ENOX1: variants seen among roughly 807,000 people sequenced by gnomAD.
ENOX1 encodes the protein candidate growth-related and time keeping constitutive hydroquinone (NADH) oxidase.
In ENOX1, 42 loss-of-function variants were observed where a neutral mutation model predicts 82.5. That is an observed-to-expected ratio of 0.51 (90% confidence interval 0.40 to 0.66). The LOEUF (loss-of-function observed/expected upper bound fraction) is 0.66. ENOX1 is among the 30% of genes least tolerant of loss of function. The pLI, the probability that ENOX1 is intolerant of heterozygous loss-of-function variation, is 0.00. For synonymous variants in ENOX1, 271 were observed against 282.2 expected (o/e 0.96, Z 0.40); for missense variants, 608 against 811.6 (o/e 0.75, Z 3.05).
rs559734695 is a variant in ENOX1, at chr13:43,352,018, T to C, written c.823+3901A>G. Among the ~76,000 whole-genome samples the C allele has an allele frequency of 1.1e-4, 16 of 152,346 alleles. No homozygotes were observed. The East Asian group carries it at 3.1e-3, about 29-fold the overall frequency. On this transcript the variant is annotated intron_variant, in intron 8 of 16. Transcript: ENST00000690772. ...AGCCTGGCTTTTAGCTAATGGGACA[T>C]CCACTTGGCTCATAACATTATTGAT...
chr13:43,273,480 T>C (rs1486785671), intron 12 of ENOX1, among the ~76,000 whole-genome samples: 2 of 152,216 alleles, frequency 1.3e-5, no homozygotes, highest in Admixed American at 6.5e-5. Context: ...CCATGACTTA[T>C]GACAAGTTTA....
intron 2 of ENOX1, among the ~76,000 whole-genome samples, chr13:43,510,014 G>A (rs2077308252): frequency 6.6e-6 from 1 of 151,994 alleles, no homozygotes; most frequent in Non-Finnish European, 1.5e-5. Context: ...CACATCAGAC[G>A]TCTGTTGGAA....
rs148233093 is a variant in ENOX1 at position 43,261,555 on chromosome 13, C to T, written c.1611+3843G>A. ...TTATTTCACATCTACATTATACAGC[C>T]GTTAAAAATCATGTCTTTGACTTGG... On this transcript the variant is annotated intron_variant, in intron 14 of 16. Transcript: ENST00000690772. 5.9e-5 allele frequency among the ~76,000 whole-genome samples: 9 copies of T among 152,148 alleles called. No homozygotes were observed. The East Asian group carries it at 1.7e-3, about 29-fold the overall frequency.
chr13:43,653,143 T>C (rs2084272656), intron 2 of ENOX1, among the ~76,000 whole-genome samples: 1 of 152,230 alleles, frequency 6.6e-6, no homozygotes. Flanking sequence ...GCTGCTCTGC[T>C]ACTGGAGGTG....
At chr13:43,694,757 C>T (rs1330510198) in intron 1 of ENOX1, among the ~76,000 whole-genome samples, 1 of 152,176 alleles carries the variant, frequency 6.6e-6, no homozygotes, top group Admixed American at 6.5e-5. Flanking sequence ...TCTCCTATTC[C>T]AAGACAAGAC....
intron 2 of ENOX1, chr13:43,544,086 T>C (rs1404754058): frequency 6.6e-6 from 1 of 151,846 alleles, no homozygotes; most frequent in Non-Finnish European, 1.5e-5. Flanking sequence ...CTGGCTAATG[T>C]TGGCCAGGCT....
chr13:43,667,318 C>T, intron 2 of ENOX1, 161 bp downstream of exon 2: 1 of 280,380 alleles, frequency 3.6e-6, no homozygotes, highest in Non-Finnish European at 5.4e-6. Flanking sequence ...TCCCCAAATG[C>T]ATGTTAGTTC....
intron 11 of ENOX1, among the ~76,000 whole-genome samples, chr13:43,307,022 C>T (rs936323332): frequency 3.9e-5 from 6 of 152,074 alleles, no homozygotes; most frequent in African/African-American, 1.4e-4. Context: ...CAAATACTTG[C>T]AATAATGGGT....
chr13:43,650,478 G>A (rs1014954164), intron 2 of ENOX1, among the ~76,000 whole-genome samples: 2 of 152,072 alleles, frequency 1.3e-5, no homozygotes, highest in Non-Finnish European at 2.9e-5. Context: ...TGCCAGTAGG[G>A]GGAATTGAGG....
At chr13:43,666,054 T>A (rs1201739755) in intron 2 of ENOX1, among the ~76,000 whole-genome samples, 3 of 151,860 alleles carry the variant, frequency 2.0e-5, no homozygotes, top group Admixed American at 2.0e-4. Context: ...TATACTCTAT[T>A]AATTGTGCAA....
intron 8 of ENOX1, among the ~76,000 whole-genome samples, chr13:43,354,144 T>A (rs1250259502): frequency 6.6e-6 from 1 of 152,120 alleles, no homozygotes; most frequent in East Asian, 1.9e-4. Flanking sequence ...TAAAGAAAAA[T>A]TATTGTTCCA....
chr13:43,658,330 T>G (rs560497792), intron 2 of ENOX1, among the ~76,000 whole-genome samples: 16 of 152,334 alleles, frequency 1.1e-4, no homozygotes, highest in African/African-American at 3.6e-4. Flanking sequence ...TTTCTCTTAC[T>G]ACTTCTTAGT....
At chr13:43,773,750 CTGTT>C (rs1399011070) in intron 1 of ENOX1, among the ~76,000 whole-genome samples, 1 of 152,180 alleles carries the variant, frequency 6.6e-6, no homozygotes, top group African/African-American at 2.4e-5. Context: ...AATTACTGTT[CTGTT>C]TATCTGTTTG....
intron 2 of ENOX1, among the ~76,000 whole-genome samples, chr13:43,525,803 T>C (rs1390868599): frequency 6.6e-6 from 1 of 152,186 alleles, no homozygotes. Context: ...TTTCCAGTCC[T>C]TTGCCCATTT....
chr13:43,393,185 TAC>T, intron 5 of ENOX1, among the ~76,000 whole-genome samples: 2 of 152,246 alleles, frequency 1.3e-5, no homozygotes, highest in African/African-American at 4.8e-5. Context: ...AACACAATAG[TAC>T]TTTGCTCCTT....
intron 2 of ENOX1, among the ~76,000 whole-genome samples, chr13:43,558,465 C>A (rs2153703577): frequency 6.6e-6 from 1 of 152,294 alleles, no homozygotes; most frequent in East Asian, 1.9e-4. Context: ...AAGATTCCAG[C>A]AGAACACTCT....
intron 11 of ENOX1, among the ~76,000 whole-genome samples, chr13:43,313,147 C>T (rs551125983): frequency 5.9e-5 from 9 of 152,240 alleles, no homozygotes; most frequent in Admixed American, 3.9e-4. Flanking sequence ...TCTAGGCTTT[C>T]CACTTACGAT....
intron 2 of ENOX1, among the ~76,000 whole-genome samples, chr13:43,497,005 T>C (rs1237996429): frequency 1.3e-5 from 2 of 152,160 alleles, no homozygotes; most frequent in South Asian, 2.1e-4. Context: ...TACACATATT[T>C]TGAAATAAAA....
chr13:43,436,743 T>G (rs2056055034), intron 3 of ENOX1, among the ~76,000 whole-genome samples: 2 of 152,210 alleles, frequency 1.3e-5, no homozygotes, highest in Non-Finnish European at 2.9e-5. Flanking sequence ...ACATCATTAT[T>G]TACAGAAAAC....
Sources: allele counts gnomAD v4.1 joint callset (sites outside exome capture counted in the v4.1 genomes callset), GRCh38; gene constraint gnomAD v4.1.1; transcripts MANE v1.5; gene names NCBI Gene and HGNC (gene_info 2026-07-23, HGNC 2026-07-21).